The following ANKS1B variants were observed in gnomAD, a reference collection of about 807,000 sequenced individuals.
The protein encoded by ANKS1B is ankyrin repeat and sterile alpha motif domain-containing protein 1B.
Under a neutral mutation model 148.3 loss-of-function variants are expected in ANKS1B, and 36 were observed. The observed-to-expected ratio is 0.24, with a 90% CI of 0.19 to 0.32. The LOEUF (loss-of-function observed/expected upper bound fraction) is 0.32. Ranked by LOEUF, ANKS1B falls within the 10% of genes least tolerant of loss-of-function variation. The pLI is 1.00. For synonymous variants in ANKS1B, 542 were observed against 560.8 expected (o/e 0.97, Z 0.47); for missense variants, 1,157 against 1,542.6 (o/e 0.75, Z 4.19).
chr12:99,939,193 G>T (rs543874683), intron 1 of ANKS1B, among the ~76,000 whole-genome samples: 1 of 152,186 alleles, frequency 6.6e-6, no homozygotes, highest in East Asian at 1.9e-4. Flanking sequence ...CTGGGCTCAA[G>T]GAATTCTTCT....
chr12:99,414,906 C>T (rs2094845642), intron 11 of ANKS1B, among the ~76,000 whole-genome samples: 1 of 152,176 alleles, frequency 6.6e-6, no homozygotes, highest in Non-Finnish European at 1.5e-5. Flanking sequence ...ATTTAACATA[C>T]ATAAGCATGA....
intron 9 of ANKS1B, among the ~76,000 whole-genome samples, chr12:99,520,358 A>G (rs2096863229): frequency 6.6e-6 from 1 of 152,202 alleles, no homozygotes; most frequent in Non-Finnish European, 1.5e-5. Flanking sequence ...TTCCTGGGTA[A>G]AAGTTTTTTT....
chr12:98,742,286 T>TGTAA (rs746722750), downstream of ANKS1B, among the ~76,000 whole-genome samples: 3 of 151,630 alleles, frequency 2.0e-5, no homozygotes, highest in Non-Finnish European at 1.5e-5. Context: ...CAGCCTGATG[T>TGTAA]GTAAGTCTTC....
chr12:99,403,339 TAG>T (rs1208138763), intron 11 of ANKS1B, among the ~76,000 whole-genome samples: 1 of 142,522 alleles, frequency 7.0e-6, no homozygotes, highest in Non-Finnish European at 1.5e-5. Flanking sequence ...GTCTTTTTAG[TAG>T]AGACGGGGTT....
intron 12 of ANKS1B, among the ~76,000 whole-genome samples, chr12:99,259,987 C>G (rs2075752312): frequency 6.6e-6 from 1 of 152,194 alleles, no homozygotes; most frequent in African/African-American, 2.4e-5. Context: ...TTGTTTCTCT[C>G]TTACCAAAAT....
At chr12:99,719,680 T>A (rs1224859580) in intron 8 of ANKS1B, among the ~76,000 whole-genome samples, 1 of 152,138 alleles carries the variant, frequency 6.6e-6, no homozygotes, top group Non-Finnish European at 1.5e-5. Flanking sequence ...CCTTCCATAT[T>A]CTGCACCACC....
chr12:99,898,624 A>G (rs938135958), intron 1 of ANKS1B, among the ~76,000 whole-genome samples: 1 of 152,080 alleles, frequency 6.6e-6, no homozygotes, highest in Non-Finnish European at 1.5e-5. Flanking sequence ...CCATGACCCT[A>G]TCTGTTTTCT....
intron 9 of ANKS1B, among the ~76,000 whole-genome samples, chr12:99,589,614 A>G (rs1328606987): frequency 6.6e-6 from 1 of 152,196 alleles, no homozygotes; most frequent in Non-Finnish European, 1.5e-5. Context: ...CAAAAGCCTT[A>G]AAAAAGATAC....
At chr12:99,454,405 T>C (rs554840185) in intron 10 of ANKS1B, among the ~76,000 whole-genome samples, 6 of 152,312 alleles carry the variant, frequency 3.9e-5, no homozygotes, top group South Asian at 2.1e-4. Context: ...AGTAGAATGA[T>C]TGACTAGCAG....
intron 10 of ANKS1B, among the ~76,000 whole-genome samples, chr12:99,464,942 C>T (rs1277907420): frequency 1.3e-5 from 2 of 152,118 alleles, no homozygotes; most frequent in Admixed American, 6.6e-5. Context: ...ATACAGAGAA[C>T]ACCACAAAGA....
chr12:98,869,561 C>A (rs1053772725), intron 17 of ANKS1B, among the ~76,000 whole-genome samples: 5 of 152,008 alleles, frequency 3.3e-5, no homozygotes, highest in Non-Finnish European at 7.4e-5. Flanking sequence ...ATCCTGGAAC[C>A]CTAGAGGCTT....
chr12:98,897,915 C>G (rs1381690344), intron 17 of ANKS1B, among the ~76,000 whole-genome samples: 1 of 152,156 alleles, frequency 6.6e-6, no homozygotes, highest in Non-Finnish European at 1.5e-5. Flanking sequence ...TTTGCAGCAA[C>G]ACGGATGGAG....
intron 8 of ANKS1B, among the ~76,000 whole-genome samples, chr12:99,698,026 T>C (rs1196719816): frequency 6.6e-6 from 1 of 152,014 alleles, no homozygotes; most frequent in Non-Finnish European, 1.5e-5. Flanking sequence ...ATTACCTATA[T>C]GGGGTGGGTA....
chr12:98,760,255 A>G (rs1244808729), intron 25 of ANKS1B, among the ~76,000 whole-genome samples: 2 of 150,254 alleles, frequency 1.3e-5, no homozygotes, highest in Non-Finnish European at 3.0e-5. Context: ...TTGCGTTTAA[A>G]ATAGTCTTAT....
rs2059751790 is a variant in ANKS1B, at chr12:99,108,911, G to GGAGGTGA, written c.2527-23895_2527-23889dup. Among the ~76,000 whole-genome samples, 5 of 152,262 alleles carry GGAGGTGA rather than the reference G, an allele frequency of 3.3e-5. No individual in the cohort carries two copies. In the South Asian group the frequency reaches 1.0e-3, roughly 32 times the overall value. On this transcript the variant is annotated intron_variant, in intron 15 of 26. Transcript: ENST00000683438. ...GACATGGAATGGACAAAAGAGAAAG[G>GGAGGTGA]GAGGTGAGATACATGGTACTGATCA... is the stretch of plus-strand genomic sequence containing the variant.
intron 9 of ANKS1B, among the ~76,000 whole-genome samples, chr12:99,605,382 T>C (rs143625161): frequency 1.3e-5 from 2 of 152,138 alleles, no homozygotes; most frequent in Non-Finnish European, 2.9e-5. Context: ...TAATACATTA[T>C]TGTTAACTAC....
At chr12:99,851,863 C>T (rs181907928) in intron 1 of ANKS1B, among the ~76,000 whole-genome samples, 202 of 152,254 alleles carry the variant, frequency 1.3e-3, no homozygotes, top group Non-Finnish European at 2.2e-3. Context: ...CTATTCAGAA[C>T]CCTTCAGAGA....
chr12:98,738,491 T>G (rs2097783934), intron 9 of ANKS1B, among the ~76,000 whole-genome samples: 1 of 152,198 alleles, frequency 6.6e-6, no homozygotes, highest in Non-Finnish European at 1.5e-5. Context: ...ACGTTCGCAT[T>G]CATTCAAATG....
intron 1 of ANKS1B, among the ~76,000 whole-genome samples, chr12:99,904,613 T>G (rs2093717200): frequency 1.3e-5 from 2 of 152,338 alleles, no homozygotes; most frequent in Non-Finnish European, 2.9e-5. Flanking sequence ...ACTTCACATA[T>G]GCACTACAGT....
Sources: allele counts gnomAD v4.1 joint callset (sites outside exome capture counted in the v4.1 genomes callset), GRCh38; gene constraint gnomAD v4.1.1; transcripts MANE v1.5; gene names NCBI Gene and HGNC (gene_info 2026-07-23, HGNC 2026-07-21).